The following ERLIN1 variants were observed in gnomAD, a reference collection of about 807,000 sequenced individuals.
The protein encoded by ERLIN1 is erlin-1.
Under a neutral mutation model 46.9 loss-of-function variants are expected in ERLIN1, and 24 were observed. That is an observed-to-expected ratio of 0.51 (90% CI 0.37 to 0.72). ERLIN1 has a LOEUF of 0.72. Ranked by LOEUF, ERLIN1 falls within the 30% of genes least tolerant of loss-of-function variation. The pLI is 0.00. For missense variants in ERLIN1, 293 were observed against 417.9 expected, an observed-to-expected ratio of 0.70 and a Z score of 2.61; for synonymous variants, 158 against 143.2, an observed-to-expected ratio of 1.10 and a Z score of -0.74.
chr10:100,154,389 G>A (rs1842965519), intron 10 of ERLIN1, among the ~76,000 whole-genome samples: 1 of 152,128 alleles, frequency 6.6e-6, no homozygotes, highest in Admixed American at 6.5e-5. Context: ...TAAAACAACT[G>A]GTGACCACTA....
chr10:100,161,985 A>G (rs983082397), intron 8 of ERLIN1, among the ~76,000 whole-genome samples: 14 of 152,192 alleles, frequency 9.2e-5, no homozygotes, highest in African/African-American at 3.1e-4. Flanking sequence ...TAAAAGTCTT[A>G]CTTTGGACTA....
intron 6 of ERLIN1, among the ~76,000 whole-genome samples, chr10:100,173,595 A>G (rs1844128029): frequency 6.6e-6 from 1 of 152,074 alleles, no homozygotes; most frequent in South Asian, 2.1e-4. Context: ...CTATTTCCCA[A>G]CGTCACCATC....
At chr10:100,181,251 T>A (rs551599932) in intron 2 of ERLIN1, among the ~76,000 whole-genome samples, 1 of 152,326 alleles carries the variant, frequency 6.6e-6, no homozygotes, top group South Asian at 2.1e-4. Context: ...ATATTTCTTT[T>A]ATGTCCTCTT....
intron 2 of ERLIN1, among the ~76,000 whole-genome samples, chr10:100,182,622 TGGAG>T (rs1844726442): frequency 6.6e-6 from 1 of 152,116 alleles, no homozygotes; most frequent in Non-Finnish European, 1.5e-5. Context: ...TTAAGAAAAC[TGGAG>T]CCTTTCTGGA....
At chr10:100,172,105 G>GCC (rs1467965695) in intron 6 of ERLIN1, among the ~76,000 whole-genome samples, 3 of 152,164 alleles carry the variant, frequency 2.0e-5, no homozygotes, top group Admixed American at 2.0e-4. Context: ...GAATATATAA[G>GCC]CTTGGTCATT....
chr10:100,170,802 C>T (rs1316678145), intron 6 of ERLIN1, among the ~76,000 whole-genome samples: 8 of 151,900 alleles, frequency 5.3e-5, no homozygotes, highest in Admixed American at 1.3e-4. Context: ...GGAGAAAATT[C>T]GATTTGATGA....
At chr10:100,171,486 G>A (rs1843995356) in intron 6 of ERLIN1, among the ~76,000 whole-genome samples, 1 of 152,110 alleles carries the variant, frequency 6.6e-6, no homozygotes, top group Non-Finnish European at 1.5e-5. Flanking sequence ...GTTCACTGCA[G>A]CCTCAACCTG....
chr10:100,167,233 AT>A (rs1843694036), intron 7 of ERLIN1, 114 bp downstream of exon 7: 1 of 751,454 alleles, frequency 1.3e-6, no homozygotes, highest in African/African-American at 2.0e-5. Flanking sequence ...AGTAAAGAAG[AT>A]AAGACACATA....
chr10:100,185,831 T>C lies in ERLIN1; in HGVS notation c.-205A>G, dbSNP rs1344438960. 1.7e-6 allele frequency: 1 copy of C among 589,522 alleles called. No homozygotes were observed. Among genetic ancestry groups the C allele is most frequent in the Non-Finnish European group, 3.0e-6 (1 of 330,248 alleles). 36.5% of individuals were successfully genotyped at this position (589,522 alleles called of 1,614,324 possible). A position where few individuals can be genotyped will look rare whatever the true frequency, so the allele number is the denominator to read the frequency against. On this transcript the variant is annotated 5_prime_UTR_variant, in exon 1 of 11. Transcript: ENST00000421367. ...CAACTCCTCCGCCCCCGGAGGCCAG[T>C]GGGCCGCCCCTGCTCGGTGAGCTTC...
rs774232442 is a variant in ERLIN1 at position 100,183,816 on chromosome 10, G to A, written c.135C>T (p.Ser45=). 5 of 1,613,066 alleles carry A rather than the reference G, an allele frequency of 3.1e-6. No homozygotes were observed. The highest frequency in any genetic ancestry group is 3.4e-6 in the Non-Finnish European group (4 of 1,179,170). The change falls in exon 2 of 11, where the codon AGC becomes AGT. Residue 45 remains serine (S), a synonymous_variant. Transcript: ENST00000421367. ...TGATATGATAGCCTGGTCCACTGGG[G>A]CTAGTTAGTAAAGCTCCTCCCCTGC... ...VYYRGGALLT[S]PSGPGYHIML...
chr10:100,167,538 G>T, intron 6 of ERLIN1, 132 bp from the exon 7 acceptor site: 1 of 662,968 alleles, frequency 1.5e-6, no homozygotes, highest in Non-Finnish European at 2.6e-6. Context: ...CTACTAACAC[G>T]TTTGGGGATC....
intron 6 of ERLIN1, among the ~76,000 whole-genome samples, chr10:100,171,048 T>C (rs1201378999): frequency 1.3e-5 from 2 of 152,186 alleles, no homozygotes; most frequent in Non-Finnish European, 2.9e-5. Flanking sequence ...TCAAAATGGG[T>C]TGCAGATGAA....
chr10:100,171,108 T>C (rs1445392495), intron 6 of ERLIN1, among the ~76,000 whole-genome samples: 1 of 152,200 alleles, frequency 6.6e-6, no homozygotes, highest in African/African-American at 2.4e-5. Context: ...ATACAATTTT[T>C]ATAATTTCTA....
intron 8 of ERLIN1, among the ~76,000 whole-genome samples, chr10:100,160,457 A>G (rs1395796109): frequency 6.6e-6 from 1 of 152,204 alleles, no homozygotes; most frequent in Admixed American, 6.5e-5. Context: ...CACTAAAAGT[A>G]TAAGAAAATT....
intron 6 of ERLIN1, among the ~76,000 whole-genome samples, 169 bp from the exon 7 acceptor site, chr10:100,167,575 A>T (rs1843716945): frequency 1.3e-5 from 2 of 152,350 alleles, no homozygotes; most frequent in South Asian, 4.1e-4. Context: ...TTTTCATGCC[A>T]TCACACCAAG....
chr10:100,181,864 T>C (rs1435525657), intron 2 of ERLIN1, among the ~76,000 whole-genome samples: 2 of 152,204 alleles, frequency 1.3e-5, no homozygotes, highest in Non-Finnish European at 2.9e-5. Flanking sequence ...TCCTAGAATG[T>C]TACCGTTTTA....
chr10:100,179,277 T>C (rs1363585380), intron 2 of ERLIN1, 30 bp from the exon 3 acceptor site: 1 of 1,536,250 alleles, frequency 6.5e-7, no homozygotes, highest in Non-Finnish European at 8.9e-7. Context: ...TCATCAACAC[T>C]CAAGACACAC....
chr10:100,162,243 C>A (rs1399195023), intron 8 of ERLIN1, among the ~76,000 whole-genome samples: 1 of 152,070 alleles, frequency 6.6e-6, no homozygotes, highest in Admixed American at 6.6e-5. Context: ...ACAGGCAATT[C>A]ATATAACAAC....
intron 10 of ERLIN1, among the ~76,000 whole-genome samples, 197 bp downstream of exon 10, chr10:100,154,663 G>C (rs1212672926): frequency 6.6e-6 from 1 of 152,196 alleles, no homozygotes; most frequent in East Asian, 1.9e-4. Flanking sequence ...CAAATGAATG[G>C]AATTACGGCA....
Sources: allele counts gnomAD v4.1 joint callset (sites outside exome capture counted in the v4.1 genomes callset), GRCh38; gene constraint gnomAD v4.1.1; transcripts MANE v1.5; gene names NCBI Gene and HGNC (gene_info 2026-07-23, HGNC 2026-07-21).